The following GRM7 variants were observed in gnomAD, a reference collection of about 807,000 sequenced individuals.
GRM7 encodes glutamate metabotropic receptor 7.
Under a neutral mutation model 84.5 loss-of-function variants are expected in GRM7, and 35 were observed. That is an observed-to-expected ratio of 0.41 (90% CI 0.32 to 0.55). The LOEUF (loss-of-function observed/expected upper bound fraction) is 0.55. Among genes scored for constraint, GRM7 ranks in the 20% least tolerant of loss-of-function variants. GRM7 has a pLI of 0.19. For synonymous variants in GRM7, 487 were observed against 455.1 expected, an observed-to-expected ratio of 1.07 and a Z score of -0.89; for missense variants, 1,003 against 1,194.6, an observed-to-expected ratio of 0.84 and a Z score of 2.36.
intron 1 of GRM7, among the ~76,000 whole-genome samples, chr3:6,926,922 T>G (rs1341391923): frequency 6.6e-6 from 1 of 152,214 alleles, no homozygotes; most frequent in African/African-American, 2.4e-5. Flanking sequence ...AATTCTACAC[T>G]GGATGTAAAT....
At chr3:6,945,407 G>C (rs984304508) in intron 1 of GRM7, among the ~76,000 whole-genome samples, 1 of 152,120 alleles carries the variant, frequency 6.6e-6, no homozygotes, top group African/African-American at 2.4e-5. Flanking sequence ...ATTTTTTATG[G>C]CTGCATAGTA....
chr3:7,715,251 A>G (rs1477900949), intron 9 of GRM7, among the ~76,000 whole-genome samples: 1 of 152,136 alleles, frequency 6.6e-6, no homozygotes, highest in Admixed American at 6.5e-5. Context: ...CTTGAGGCCA[A>G]GAGTTCAAAA....
At chr3:7,236,842 C>A (rs1697365138) in intron 2 of GRM7, among the ~76,000 whole-genome samples, 1 of 152,172 alleles carries the variant, frequency 6.6e-6, no homozygotes, top group Admixed American at 6.5e-5. Context: ...CAAAACCACC[C>A]ATGGATTCCT....
In GRM7 at chr3:7,087,391, T is replaced by C. The variant is rs1056506331; in HGVS notation, c.520-59061T>C. Among the ~76,000 whole-genome samples, 3 of 98,184 alleles carry C rather than the reference T, an allele frequency of 3.1e-5. No individual in the cohort carries two copies. In the South Asian group the frequency reaches 9.4e-4, roughly 31 times the overall value. 64.4% of individuals were successfully genotyped at this position (98,184 alleles called of 152,430 possible). On this transcript the variant is annotated intron_variant, in intron 1 of 9. Coordinates refer to ENST00000357716, the MANE Select transcript of GRM7 (RefSeq NM_000844.4). ...GTATATTTTCTATTCTAGAATATGCTCTTTTTTTTTTTTTTACCCCAACCG... is the reference window on the plus strand; with the variant it reads ...GTATATTTTCTATTCTAGAATATGCCCTTTTTTTTTTTTTTACCCCAACCG...
chr3:7,165,079 G>A (rs1422962792), intron 2 of GRM7, among the ~76,000 whole-genome samples: 1 of 152,210 alleles, frequency 6.6e-6, no homozygotes, highest in African/African-American at 2.4e-5. Context: ...AAAGCCACAC[G>A]TAACTGATAC....
intron 8 of GRM7, among the ~76,000 whole-genome samples, chr3:7,669,282 C>G (rs924813895): frequency 6.6e-6 from 1 of 152,144 alleles, no homozygotes; most frequent in African/African-American, 2.4e-5. Flanking sequence ...CCAGAAAAGG[C>G]TTCCCCAAGG....
intron 7 of GRM7, among the ~76,000 whole-genome samples, chr3:7,518,300 C>A (rs192327518): frequency 1.3e-4 from 20 of 152,294 alleles, no homozygotes; most frequent in Non-Finnish European, 2.9e-4. Flanking sequence ...CAAAATTAAG[C>A]CCAGGGTGAA....
chr3:7,230,105 C>T (rs1418272931), intron 2 of GRM7, among the ~76,000 whole-genome samples: 1 of 151,956 alleles, frequency 6.6e-6, no homozygotes, highest in East Asian at 2.0e-4. Flanking sequence ...TCCCAAAATG[C>T]TGGGATTGCC....
At chr3:7,568,419 A>G (rs1384768204) in intron 7 of GRM7, among the ~76,000 whole-genome samples, 3 of 152,226 alleles carry the variant, frequency 2.0e-5, no homozygotes, top group Non-Finnish European at 4.4e-5. Context: ...CGTCTTACAA[A>G]GGTGGTGAGA....
chr3:7,076,536 T>C (rs546396458), intron 1 of GRM7, among the ~76,000 whole-genome samples: 4 of 152,306 alleles, frequency 2.6e-5, no homozygotes, highest in Non-Finnish European at 5.9e-5. Flanking sequence ...GTCAGTTTCC[T>C]AAGGCCTCCT....
chr3:6,876,146 C>T (rs945415836), intron 1 of GRM7, among the ~76,000 whole-genome samples: 28 of 152,056 alleles, frequency 1.8e-4, no homozygotes, highest in Admixed American at 1.4e-3. Flanking sequence ...CGGGTACCTG[C>T]GATCCCAGTT....
At chr3:7,348,706 C>T (rs1692999940) in intron 4 of GRM7, among the ~76,000 whole-genome samples, 1 of 152,078 alleles carries the variant, frequency 6.6e-6, no homozygotes, top group South Asian at 2.1e-4. Flanking sequence ...GGGAACTTAT[C>T]AGATCAGAGA....
At chr3:7,145,053 A>C (rs1012721839) in intron 1 of GRM7, among the ~76,000 whole-genome samples, 103 of 152,300 alleles carry the variant, frequency 6.8e-4, no homozygotes, top group African/African-American at 2.3e-3. Flanking sequence ...CTAGCCTTAA[A>C]CTATGGCAAA....
chr3:7,116,309 G>A (rs528819488), intron 1 of GRM7, among the ~76,000 whole-genome samples: 2 of 152,142 alleles, frequency 1.3e-5, no homozygotes, highest in Non-Finnish European at 2.9e-5. Flanking sequence ...CTGAGGTGCA[G>A]CTATATGGAT....
At chr3:7,239,212 G>T (rs930076969) in intron 2 of GRM7, among the ~76,000 whole-genome samples, 2 of 151,846 alleles carry the variant, frequency 1.3e-5, no homozygotes, top group Non-Finnish European at 2.9e-5. Flanking sequence ...TATTGTCCAG[G>T]CTGGTCTCCA....
chr3:7,065,263 C>G (rs554400807), intron 1 of GRM7, among the ~76,000 whole-genome samples: 1 of 151,964 alleles, frequency 6.6e-6, no homozygotes, highest in Non-Finnish European at 1.5e-5. Flanking sequence ...AAGTCCTTGC[C>G]TAAGCCAATG....
intron 2 of GRM7, among the ~76,000 whole-genome samples, chr3:7,226,421 A>C (rs1191062916): frequency 6.6e-6 from 1 of 152,170 alleles, no homozygotes; most frequent in East Asian, 1.9e-4. Context: ...TGTAGGTCCT[A>C]GAGGCCCCGA....
intron 1 of GRM7, among the ~76,000 whole-genome samples, chr3:7,027,834 T>G (rs1696035690): frequency 6.6e-6 from 1 of 152,158 alleles, no homozygotes; most frequent in African/African-American, 2.4e-5. Flanking sequence ...TCCTTATTCA[T>G]TTTTTTCTTA....
chr3:7,087,520 G>T (rs572490889), intron 1 of GRM7, among the ~76,000 whole-genome samples: 1 of 152,190 alleles, frequency 6.6e-6, no homozygotes, highest in South Asian at 2.1e-4. Flanking sequence ...CGAGGGACTT[G>T]AGAGGCAGCT....
Sources: allele counts gnomAD v4.1 joint callset (sites outside exome capture counted in the v4.1 genomes callset), GRCh38; gene constraint gnomAD v4.1.1; transcripts MANE v1.5; gene names NCBI Gene and HGNC (gene_info 2026-07-23, HGNC 2026-07-21).